Variants in RGS8 observed in about 807,000 individuals in gnomAD.
RGS8 encodes regulator of G protein signaling 8.
A neutral mutation model predicts 21.7 loss-of-function variants in RGS8; 8 were observed. That is an observed-to-expected ratio of 0.37 (90% CI 0.22 to 0.66). The LOEUF (loss-of-function observed/expected upper bound fraction) is 0.66, where lower values mean the gene tolerates loss of function less well. Among genes scored for constraint, RGS8 ranks in the 30% least tolerant of loss-of-function variants. RGS8 has a pLI of 0.59. For missense variants in RGS8, 157 were observed against 217.9 expected (o/e 0.72, Z 1.76); for synonymous variants, 80 against 83.6 (o/e 0.96, Z 0.24).
chr1:182,725,199 G>C, the RGS8 span, among the ~76,000 whole-genome samples: 1 of 152,180 alleles, frequency 6.6e-6, no homozygotes, highest in Non-Finnish European at 1.5e-5. Flanking sequence ...CATGTAGCAA[G>C]AGGGACTCCA....
chr1:182,718,460 C>T, the RGS8 span, among the ~76,000 whole-genome samples: 20 of 152,228 alleles, frequency 1.3e-4, no homozygotes, highest in Non-Finnish European at 2.6e-4. Context: ...GGCAGCAAGA[C>T]CTCCACCTGG....
chr1:182,658,637 T>G (rs1663401167), intron 5 of RGS8: 1 of 152,236 alleles, frequency 6.6e-6, no homozygotes. Flanking sequence ...GAGAATAGCA[T>G]CAGGATCACA....
chr1:182,651,703 G>A (rs1206216015), intron 5 of RGS8, among the ~76,000 whole-genome samples: 3 of 152,200 alleles, frequency 2.0e-5, no homozygotes, highest in Admixed American at 6.5e-5. Context: ...AGTCTCCACA[G>A]ACTCTAGAGG....
At chr1:182,726,400 G>A in the RGS8 span, among the ~76,000 whole-genome samples, 1,007 of 152,290 alleles carry the variant, frequency 6.6e-3, 13 homozygotes, top group African/African-American at 0.023. Flanking sequence ...GCCAGGTGCG[G>A]TGGCTCACGC....
upstream of RGS8, among the ~76,000 whole-genome samples, chr1:182,686,346 A>T (rs146033401): frequency 2.0e-5 from 3 of 152,302 alleles, no homozygotes; most frequent in African/African-American, 7.2e-5. Flanking sequence ...GTGTTTTGAG[A>T]AGATACTAAG....
At chr1:182,730,000 A>G in the RGS8 span, among the ~76,000 whole-genome samples, 1 of 152,210 alleles carries the variant, frequency 6.6e-6, no homozygotes, top group Non-Finnish European at 1.5e-5. Context: ...GGTGAAGAAA[A>G]AAGTTTCCCT....
intron 5 of RGS8, among the ~76,000 whole-genome samples, chr1:182,660,264 A>C (rs191740098): frequency 1.3e-5 from 2 of 152,340 alleles, no homozygotes; most frequent in Admixed American, 1.3e-4. Context: ...ACAGAGGTTA[A>C]GTAATCTGAA....
chr1:182,721,904 G>A, the RGS8 span, among the ~76,000 whole-genome samples: 1 of 152,112 alleles, frequency 6.6e-6, no homozygotes, highest in African/African-American at 2.4e-5. Context: ...AGATAATTTG[G>A]TATCATTAAT....
chr1:182,710,808 A>G, the RGS8 span, among the ~76,000 whole-genome samples: 2 of 152,206 alleles, frequency 1.3e-5, no homozygotes, highest in African/African-American at 4.8e-5. Context: ...AGGTAGTAGT[A>G]ATATTATTTT....
intron 5 of RGS8, among the ~76,000 whole-genome samples, chr1:182,659,472 G>A (rs968952105): frequency 1.3e-4 from 20 of 152,306 alleles, no homozygotes; most frequent in African/African-American, 2.2e-4. Flanking sequence ...AGACTGAAGC[G>A]GGCAGATCAC....
chr1:182,685,018 C>T (rs946261206), upstream of RGS8, among the ~76,000 whole-genome samples: 1 of 152,116 alleles, frequency 6.6e-6, no homozygotes, highest in Admixed American at 6.5e-5. Context: ...ACCAACAAGG[C>T]CACTTTTGCT....
At chr1:182,680,556 T>C (rs932650893) in intron 1 of RGS8, among the ~76,000 whole-genome samples, 2 of 152,102 alleles carry the variant, frequency 1.3e-5, no homozygotes, top group African/African-American at 4.8e-5. Flanking sequence ...GCACCTGGCA[T>C]AGCTAGGTAC....
At chr1:182,749,157 A>G in the RGS8 span, among the ~76,000 whole-genome samples, 1 of 152,168 alleles carries the variant, frequency 6.6e-6, no homozygotes, top group Non-Finnish European at 1.5e-5. Context: ...TATCCAAAAA[A>G]TCCTGGCCCA....
intron 5 of RGS8, among the ~76,000 whole-genome samples, chr1:182,659,397 G>A (rs948639061): frequency 6.6e-6 from 1 of 152,224 alleles, no homozygotes; most frequent in African/African-American, 2.4e-5. Flanking sequence ...CTTTAATACA[G>A]GAGAAGTATT....
the RGS8 span, among the ~76,000 whole-genome samples, chr1:182,706,233 C>T: frequency 2.6e-5 from 4 of 152,068 alleles, no homozygotes; most frequent in Non-Finnish European, 4.4e-5. Context: ...GATCTGTCTG[C>T]TCACTTCAGC....
chr1:182,647,175 T>G (rs536202030), intron 6 of RGS8, among the ~76,000 whole-genome samples: 1 of 152,338 alleles, frequency 6.6e-6, no homozygotes, highest in South Asian at 2.1e-4. Flanking sequence ...TTTAAAGTAG[T>G]ATGGAAAGTT....
At chr1:182,643,327 C>T (rs1410034875), downstream of RGS8, 1 of 109,748 alleles carries the variant, frequency 9.1e-6, no homozygotes, top group Non-Finnish European at 1.9e-5. Context: ...CCCCCAGCCC[C>T]CCCGCCCCCG....
intron 5 of RGS8, among the ~76,000 whole-genome samples, chr1:182,652,446 G>C (rs1353935485): frequency 3.9e-5 from 6 of 152,202 alleles, no homozygotes; most frequent in African/African-American, 7.2e-5. Flanking sequence ...CAGGAGCCTT[G>C]CTTTACTTCT....
chr1:182,699,915 C>A, the RGS8 span, among the ~76,000 whole-genome samples: 1 of 152,174 alleles, frequency 6.6e-6, no homozygotes, highest in Admixed American at 6.5e-5. Context: ...AGAGGTCTCA[C>A]GGCAAATTTA....
Sources: gnomAD v4.1 joint callset for allele counts (sites outside exome capture counted in the v4.1 genomes callset) on GRCh38, gnomAD v4.1.1 for gene constraint, MANE v1.5 for transcripts, NCBI Gene and HGNC (gene_info 2026-07-23, HGNC 2026-07-21) for gene names.